Variants in TOMM70 observed in about 807,000 individuals in gnomAD.
TOMM70 encodes translocase of outer mitochondrial membrane 70.
In TOMM70, 13 loss-of-function variants were observed where a neutral mutation model predicts 73.6. The observed-to-expected ratio is 0.18, with a 90% CI of 0.11 to 0.28. The LOEUF (loss-of-function observed/expected upper bound fraction) is 0.28. Ranked by LOEUF, TOMM70 falls within the 10% of genes least tolerant of loss-of-function variation. The pLI is 1.00. For synonymous variants in TOMM70, 257 were observed against 271.2 expected, an observed-to-expected ratio of 0.95 and a Z score of 0.51; for missense variants, 609 against 747.5, an observed-to-expected ratio of 0.81 and a Z score of 2.16.
Position 100,381,626 on chromosome 3 carries a change from T to A in TOMM70, c.873A>T (p.Glu291Asp), listed in dbSNP as rs1436940400. Residue 291 changes from glutamate (E) to aspartate (D), a missense_variant, in exon 5 of 12, where the codon GAA (glutamate) becomes GAT (aspartate). Glu to Asp is a conservative substitution (Grantham distance 45). Coordinates refer to ENST00000284320, the MANE Select transcript of TOMM70 (RefSeq NM_014820.5). ...EDKDKEGEAL[E>D]VKENSGYLKA... ...CTTGACATACTTACTTTTCTTTCACTTCTAAAGCCTCCCCTTCCTTGTCTT... is the reference window on the plus strand; with the variant it reads ...CTTGACATACTTACTTTTCTTTCACATCTAAAGCCTCCCCTTCCTTGTCTT... The A allele has an allele frequency of 6.2e-7, 1 of 1,613,248 alleles. No homozygotes were observed. The highest frequency in any genetic ancestry group is 1.7e-5 in the Admixed American group (1 of 59,970).
intron 10 of TOMM70, 31 bp downstream of exon 10, chr3:100,369,007 A>T: frequency 6.8e-7 from 1 of 1,478,508 alleles, no homozygotes; most frequent in South Asian, 1.2e-5. Flanking sequence ...GAAATTTATT[A>T]TCTCATTGGA....
intron 1 of TOMM70, among the ~76,000 whole-genome samples, chr3:100,400,089 C>G (rs965313649): frequency 6.6e-6 from 1 of 152,146 alleles, no homozygotes; most frequent in Non-Finnish European, 1.5e-5. Flanking sequence ...TGTAGTCTTT[C>G]TTTTTCTATG....
intron 4 of TOMM70, among the ~76,000 whole-genome samples, chr3:100,383,862 T>C (rs575655906): frequency 1.1e-4 from 17 of 152,342 alleles, no homozygotes; most frequent in Admixed American, 5.9e-4. Flanking sequence ...GCATGCCTTT[T>C]ATACACAGTA....
At chr3:100,372,460 C>T (rs1232664501) in intron 9 of TOMM70, 146 bp downstream of exon 9, 39 of 604,746 alleles carry the variant, frequency 6.4e-5, no homozygotes, top group Middle Eastern at 4.7e-4. Context: ...TGATTCGGGA[C>T]CAACCAGGGG....
chr3:100,388,150 A>G (rs1706715266), intron 1 of TOMM70, among the ~76,000 whole-genome samples: 1 of 152,238 alleles, frequency 6.6e-6, no homozygotes, highest in Non-Finnish European at 1.5e-5. Flanking sequence ...ACATAAATTT[A>G]ATTTCAAGGA....
At chr3:100,387,599 GACACACACACACACAC>G (rs71752325) in intron 1 of TOMM70, among the ~76,000 whole-genome samples, 10 of 118,188 alleles carry the variant, frequency 8.5e-5, no homozygotes, top group East Asian at 2.3e-4. Flanking sequence ...CACAGACACA[GACACACACACACACAC>G]ACACACACAC....
At chr3:100,379,746 T>G (rs926229275) in intron 5 of TOMM70, among the ~76,000 whole-genome samples, 3 of 152,088 alleles carry the variant, frequency 2.0e-5, no homozygotes, top group African/African-American at 4.8e-5. Flanking sequence ...CCTCCCCAGT[T>G]GCTGAGACTA....
At chr3:100,367,997 A>G (rs1424826025) in intron 11 of TOMM70, 47 bp downstream of exon 11, 9 of 1,575,202 alleles carry the variant, frequency 5.7e-6, no homozygotes, top group Admixed American at 1.9e-5. Flanking sequence ...AAAAAGCTAA[A>G]TATCTATGGA....
At chr3:100,375,529 CATA>C (rs1322798833) in intron 6 of TOMM70, among the ~76,000 whole-genome samples, 1 of 152,124 alleles carries the variant, frequency 6.6e-6, no homozygotes, top group African/African-American at 2.4e-5. Context: ...TTTGATTTAG[CATA>C]ATGTTTTCAA....
At chr3:100,395,375 CA>C (rs1387167603) in intron 1 of TOMM70, among the ~76,000 whole-genome samples, 4 of 150,348 alleles carry the variant, frequency 2.7e-5, no homozygotes, top group Non-Finnish European at 4.4e-5. Context: ...TCTCAAAAAA[CA>C]AACAAAAAAA....
At chr3:100,370,577 C>G (rs930654145) in intron 9 of TOMM70, among the ~76,000 whole-genome samples, 11 of 152,136 alleles carry the variant, frequency 7.2e-5, no homozygotes, top group African/African-American at 2.7e-4. Context: ...TATGCTCAAG[C>G]TGTAACTTTG....
At chr3:100,373,487 C>G in intron 8 of TOMM70, 51 bp downstream of exon 8, 1 of 1,435,444 alleles carries the variant, frequency 7.0e-7, no homozygotes, top group South Asian at 1.3e-5. Flanking sequence ...TTTGTTGACG[C>G]TGGAAAATAA....
At chr3:100,390,932 G>T (rs1440921107) in intron 1 of TOMM70, among the ~76,000 whole-genome samples, 2 of 151,270 alleles carry the variant, frequency 1.3e-5, no homozygotes, top group African/African-American at 4.9e-5. Flanking sequence ...GAGGTCAGGA[G>T]ATCAAGACCA....
At chr3:100,378,849 AC>A (rs1706596023) in intron 5 of TOMM70, among the ~76,000 whole-genome samples, 1 of 152,166 alleles carries the variant, frequency 6.6e-6, no homozygotes, top group African/African-American at 2.4e-5. Context: ...TAATAAAAAT[AC>A]AAAAAAATTA....
intron 1 of TOMM70, among the ~76,000 whole-genome samples, chr3:100,388,480 C>A (rs1202660818): frequency 6.6e-6 from 1 of 152,116 alleles, no homozygotes; most frequent in Non-Finnish European, 1.5e-5. Flanking sequence ...ACTTGGGATG[C>A]TGAGGCAGAA....
chr3:100,372,385 G>A (rs997198006), intron 9 of TOMM70: 1 of 386,298 alleles, frequency 2.6e-6, no homozygotes. Flanking sequence ...CTCGCCTTAA[G>A]CTTCCCCATA....
chr3:100,380,152 C>G (rs531504671), intron 5 of TOMM70, among the ~76,000 whole-genome samples: 17 of 152,138 alleles, frequency 1.1e-4, no homozygotes, highest in African/African-American at 3.4e-4. Context: ...TCGAGACCAG[C>G]CTGGCCAACA....
At chr3:100,395,089 G>T (rs1576219198) in intron 1 of TOMM70, among the ~76,000 whole-genome samples, 1 of 152,250 alleles carries the variant, frequency 6.6e-6, no homozygotes, top group East Asian at 1.9e-4. Context: ...AAGATTTACG[G>T]CCAGGCGCGG....
chr3:100,381,618 T>C lies in TOMM70; in HGVS notation c.881A>G (p.Glu294Gly), dbSNP rs1243851528. Residue 294 changes from glutamate (E) to glycine (G), a missense_variant, in exon 5 of 12, where the codon GAA becomes GGA. Glu to Gly is a moderately conservative substitution (Grantham distance 98, BLOSUM62 -2). Transcript: ENST00000284320. ...DKEGEALEVK[E>G]NSGYLKAKQY... ...ACACTATGCTTGACATACTTACTTT[T>C]CTTTCACTTCTAAAGCCTCCCCTTC... 1.2e-6 allele frequency: 2 copies of C among 1,612,728 alleles called. No homozygotes were observed. The highest frequency in any genetic ancestry group is 1.7e-6 in the Non-Finnish European group (2 of 1,179,240).
Sources: allele counts gnomAD v4.1 joint callset (sites outside exome capture counted in the v4.1 genomes callset), GRCh38; gene constraint gnomAD v4.1.1; transcripts MANE v1.5; gene names NCBI Gene and HGNC (gene_info 2026-07-23, HGNC 2026-07-21).